Variants in NCOA3 observed in about 807,000 individuals in gnomAD.
The protein encoded by NCOA3 is nuclear receptor coactivator 3, also known as CBP-interacting protein.
In NCOA3, 51 loss-of-function variants were observed where a neutral mutation model predicts 158.8. That is an observed-to-expected ratio of 0.32 (90% CI 0.26 to 0.41). The LOEUF (loss-of-function observed/expected upper bound fraction) is 0.41, where lower values mean the gene tolerates loss of function less well. Among genes scored for constraint, NCOA3 ranks in the 10% least tolerant of loss-of-function variants. The pLI, the probability that NCOA3 is intolerant of heterozygous loss-of-function variation, is 1.00. For synonymous variants in NCOA3, 537 were observed against 592.4 expected, an observed-to-expected ratio of 0.91 and a Z score of 1.36; for missense variants, 1,510 against 1,746.6, an observed-to-expected ratio of 0.86 and a Z score of 2.41.
At chr20:47,632,219 A>C (rs2086430031) in intron 8 of NCOA3, among the ~76,000 whole-genome samples, 1 of 152,124 alleles carries the variant, frequency 6.6e-6, no homozygotes, top group African/African-American at 2.4e-5. Flanking sequence ...TTTCTTATGA[A>C]GGGTACAACT....
chr20:47,603,694 C>T (rs1227421952), intron 2 of NCOA3, among the ~76,000 whole-genome samples: 1 of 152,140 alleles, frequency 6.6e-6, no homozygotes, highest in Non-Finnish European at 1.5e-5. Flanking sequence ...ATGATCTTCC[C>T]CTGGAATTTG....
At chr20:47,541,760 C>G (rs577037102) in intron 1 of NCOA3, among the ~76,000 whole-genome samples, 2 of 151,810 alleles carry the variant, frequency 1.3e-5, no homozygotes, top group Non-Finnish European at 1.5e-5. Context: ...AAAGATACAA[C>G]TGTCTTTCAT....
At chr20:47,649,825 C>G (rs914477256) in intron 19 of NCOA3, among the ~76,000 whole-genome samples, 3 of 152,044 alleles carry the variant, frequency 2.0e-5, no homozygotes, top group Admixed American at 6.6e-5. Flanking sequence ...ATGATAAAAG[C>G]TTGCTTTTTG....
chr20:47,649,136 C>G (rs1011306166), intron 19 of NCOA3, 27 bp downstream of exon 19: 8 of 1,473,888 alleles, frequency 5.4e-6, no homozygotes, highest in African/African-American at 1.4e-5. Context: ...TCTCCACATG[C>G]ATTGCTCTGT....
intron 2 of NCOA3, among the ~76,000 whole-genome samples, chr20:47,615,186 A>AC (rs2086112098): frequency 1.3e-5 from 2 of 152,226 alleles, no homozygotes; most frequent in Non-Finnish European, 2.9e-5. Context: ...TAAATAAATT[A>AC]CAGTATATAT....
At chr20:47,533,104 CAAAAAAAAAAAAAAAA>C (rs11344209) in intron 1 of NCOA3, among the ~76,000 whole-genome samples, 9 of 39,708 alleles carry the variant, frequency 2.3e-4, no homozygotes, top group African/African-American at 3.2e-4. Flanking sequence ...GACTCTGTCT[CAAAAAAAAAAAAAAAA>C]AAAAAAAAAA....
chr20:47,571,826 A>G (rs1487712020), intron 1 of NCOA3, among the ~76,000 whole-genome samples: 1 of 151,248 alleles, frequency 6.6e-6, no homozygotes, highest in Non-Finnish European at 1.5e-5. Flanking sequence ...CTCCAGGCTC[A>G]AGCAATCCCT....
Position 47,635,613 on chromosome 20 carries a change from T to C in NCOA3, c.1404T>C (p.His468=). 2 of 1,614,194 alleles carry C rather than the reference T, an allele frequency of 1.2e-6. No homozygotes were observed. Among genetic ancestry groups the C allele is most frequent in the African/African-American group, 1.3e-5 (1 of 75,038 alleles). Residue 468 remains histidine, a synonymous_variant, in exon 11 of 23, where the codon CAT becomes CAC. Transcript: ENST00000371998. ...NYGLNMSSPP[H]GSPGLAPNQQ... ...GGCTCAACATGAGTAGCCCCCCACATGGGAGTCCTGGTCTTGCCCCAAACC... is the reference window on the plus strand; with the variant it reads ...GGCTCAACATGAGTAGCCCCCCACACGGGAGTCCTGGTCTTGCCCCAAACC...
At chr20:47,539,243 T>C (rs2084684374) in intron 1 of NCOA3, among the ~76,000 whole-genome samples, 1 of 152,022 alleles carries the variant, frequency 6.6e-6, no homozygotes, top group Admixed American at 6.6e-5. Flanking sequence ...CTTGATAAGG[T>C]GGTAGGAGGT....
intron 1 of NCOA3, among the ~76,000 whole-genome samples, chr20:47,567,781 G>C (rs2085223287): frequency 6.6e-6 from 1 of 152,062 alleles, no homozygotes; most frequent in Non-Finnish European, 1.5e-5. Context: ...ATGTTGGCCA[G>C]GCTGGTCTCC....
At chr20:47,632,730 C>G (rs6012229) in intron 8 of NCOA3, among the ~76,000 whole-genome samples, 2 of 147,850 alleles carry the variant, frequency 1.4e-5, no homozygotes, top group African/African-American at 2.5e-5. Flanking sequence ...ATTGCCAGGC[C>G]GGAGTGCGGT....
chr20:47,585,721 T>C (rs1292324765), intron 2 of NCOA3, among the ~76,000 whole-genome samples: 1 of 152,192 alleles, frequency 6.6e-6, no homozygotes, highest in Non-Finnish European at 1.5e-5. Context: ...GCCAAGCTTA[T>C]GTTGTGCTCT....
intron 19 of NCOA3, among the ~76,000 whole-genome samples, chr20:47,649,525 T>C (rs767836734): frequency 6.6e-6 from 1 of 152,216 alleles, no homozygotes; most frequent in Non-Finnish European, 1.5e-5. Context: ...TTCTCAGTGA[T>C]AGCCTCTGAG....
intron 2 of NCOA3, among the ~76,000 whole-genome samples, chr20:47,586,160 C>G (rs973585587): frequency 1.3e-5 from 2 of 152,112 alleles, no homozygotes; most frequent in Non-Finnish European, 2.9e-5. Context: ...CTTAGGTGAT[C>G]TACCTGCCTC....
chr20:47,638,299 A>G (rs1171620728), intron 13 of NCOA3, among the ~76,000 whole-genome samples: 3 of 152,158 alleles, frequency 2.0e-5, no homozygotes, highest in Non-Finnish European at 4.4e-5. Flanking sequence ...GGTCCCAGCT[A>G]CTCGGGAGGC....
chr20:47,613,087 C>T (rs1390928802), intron 2 of NCOA3, among the ~76,000 whole-genome samples: 1 of 152,148 alleles, frequency 6.6e-6, no homozygotes, highest in Admixed American at 6.5e-5. Context: ...CATTCAGATG[C>T]TTTTCTGTTC....
At chr20:47,653,368 A>G (rs1333977135) in intron 22 of NCOA3, 38 bp from the exon 23 acceptor site, 1 of 1,154,658 alleles carries the variant, frequency 8.7e-7, no homozygotes, top group Non-Finnish European at 1.2e-6. Flanking sequence ...TGTTTTACTC[A>G]TTTTTTTTTT....
chr20:47,524,095 C>T (rs1022897103), intron 1 of NCOA3, among the ~76,000 whole-genome samples: 4 of 152,174 alleles, frequency 2.6e-5, no homozygotes, highest in African/African-American at 9.7e-5. Context: ...AATATTGAGA[C>T]AAAAATTTGT....
In NCOA3 at chr20:47,621,654, A is replaced by ATTTTTTTTTTTTTTTTTTTTTTTTT. The variant is rs749582388; in HGVS notation, c.-19-558_-19-557insTTTTTTTTTTTTTTTTTTTTTTTTT. On this transcript the variant is annotated intron_variant, in intron 2 of 22. Coordinates refer to ENST00000371998, the MANE Select transcript of NCOA3 (RefSeq NM_181659.3). The stretch of plus-strand genomic sequence containing the variant: ...AGCATACTATTTTTCCATCAGTCAA[A>ATTTTTTTTTTTTTTTTTTTTTTTTT]TTTTTTTTTTTTTTTTTGAGACGGA... 2.5e-5 allele frequency among the ~76,000 whole-genome samples: 3 copies of ATTTTTTTTTTTTTTTTTTTTTTTTT among 119,786 alleles called. 1 individual carries two copies. Among genetic ancestry groups the ATTTTTTTTTTTTTTTTTTTTTTTTT allele is most frequent in the African/African-American group, 1.0e-4 (3 of 29,408 alleles). The allele number at this position is 119,786 out of a possible 152,430, so 78.6% of individuals were successfully genotyped here. A position where few individuals can be genotyped will look rare whatever the true frequency, so the allele number is the denominator to read the frequency against.
Sources: allele counts gnomAD v4.1 joint callset (sites outside exome capture counted in the v4.1 genomes callset), GRCh38; gene constraint gnomAD v4.1.1; transcripts MANE v1.5; gene names NCBI Gene and HGNC (gene_info 2026-07-23, HGNC 2026-07-21).